ZNF546: variants seen among roughly 807,000 people sequenced by gnomAD.
The protein encoded by ZNF546 is zinc finger protein 546, also known as CTC-471F3.6.
ZNF546 carries 60 observed loss-of-function variants against 76.2 expected under a neutral mutation model. The observed-to-expected ratio is 0.79, with a 90% CI of 0.64 to 0.98. The LOEUF is 0.98. ZNF546 is among the 50% of genes least tolerant of loss of function. The pLI is 0.00. For synonymous variants in ZNF546, 277 were observed against 328.1 expected, an observed-to-expected ratio of 0.84 and a Z score of 1.68; for missense variants, 936 against 1,035.6, an observed-to-expected ratio of 0.90 and a Z score of 1.32.
At position 40,006,005 on chromosome 19, in the gene ZNF546, A is replaced by G. The variant is rs1402552292; in HGVS notation, c.85-91A>G. 9 of 1,103,910 alleles carry G rather than the reference A, an allele frequency of 8.2e-6. No individual in the cohort carries two copies. The Admixed American group carries it at 1.6e-4, about 20-fold the overall frequency. The allele number at this position is 1,103,910 out of a possible 1,614,324, so 68.4% of individuals were successfully genotyped here. ...CGCAGAATGGTGGGGTTGGAAGTAG[A>G]AATGATGGCATAACAGGATCTTATT... On this transcript the variant is annotated intron_variant, in intron 3 of 6. Coordinates refer to ENST00000347077, the MANE Select transcript of ZNF546 (RefSeq NM_178544.5).
At chr19:40,000,655 A>G (rs1425994406) in intron 3 of ZNF546, among the ~76,000 whole-genome samples, 1 of 151,902 alleles carries the variant, frequency 6.6e-6, no homozygotes, top group African/African-American at 2.4e-5. Flanking sequence ...AGAAAACAGA[A>G]TAAGATAGTA....
rs1971798316 is a variant in ZNF546, at chr19:40,017,986, TTTTTTTTTTG to T, written c.*2206_*2215del. On this transcript the variant is annotated 3_prime_UTR_variant, in exon 7 of 7. Transcript: ENST00000347077. ...ATTGACTTTTTTTTTTTTTTTTTTT[TTTTTTTTTTG>T]AGATGGAGTCTCTGTCGCCCAGGCT... 1 of 125,370 alleles carries T rather than the reference TTTTTTTTTTG, an allele frequency of 8.0e-6. No individual in the cohort carries two copies. The highest frequency in any genetic ancestry group is 4.0e-5 in the African/African-American group (1 of 25,062). The allele number at this position is 125,370 out of a possible 1,614,324, so 7.8% of individuals were successfully genotyped here. A position where few individuals can be genotyped will look rare whatever the true frequency, so the allele number is the denominator to read the frequency against.
In ZNF546 at chr19:40,006,114, C is replaced by A. The variant is rs947534833; in HGVS notation, c.103C>A (p.Leu35Met). The change falls in exon 4 of 7, where the codon CTG (leucine) becomes ATG (methionine). Residue 35 changes from leucine to methionine, a missense_variant. Transcript: ENST00000347077. ...LSIMPRFLWI[L>M]CFSMEETQGE... Reference sequence around the variant, plus strand: ...CCCCCAGCCCCGGTTTCTCTGGATTCTGTGCTTCTCCATGGAGGAAACTCA... The same window carrying A: ...CCCCCAGCCCCGGTTTCTCTGGATTATGTGCTTCTCCATGGAGGAAACTCA... The A allele has an allele frequency of 6.2e-7, 1 of 1,613,998 alleles. No individual in the cohort carries two copies. The highest frequency in any genetic ancestry group is 8.5e-7 in the Non-Finnish European group (1 of 1,179,942).
At position 40,016,097 on chromosome 19, in the gene ZNF546, T is replaced by C. The variant is rs543797705; in HGVS notation, c.*316T>C. On this transcript the variant is annotated 3_prime_UTR_variant, in exon 7 of 7. Coordinates refer to ENST00000347077, the MANE Select transcript of ZNF546 (RefSeq NM_178544.5). ...TGGCTCACACCTGTAATCCCAGCAC[T>C]GTGGAAAGACAGGAGTTCGAAACCA... The C allele has an allele frequency of 3.6e-4, 112 of 307,196 alleles. 1 individual carries two copies. The highest frequency in any genetic ancestry group is 2.1e-3 in the South Asian group (57 of 27,058). The allele number at this position is 307,196 out of a possible 1,614,324, so 19.0% of individuals were successfully genotyped here. A position where few individuals can be genotyped will look rare whatever the true frequency, so the allele number is the denominator to read the frequency against.
At position 40,014,961 on chromosome 19, in the gene ZNF546, A is replaced by G. The variant is rs1214255326; in HGVS notation, c.1691A>G (p.His564Arg). 8 of 1,612,842 alleles carry G rather than the reference A, an allele frequency of 5.0e-6. No individual in the cohort carries two copies. Among genetic ancestry groups the G allele is most frequent in the South Asian group, 1.1e-5 (1 of 90,996 alleles). ...AAGGAATGTGGGAAGGCTTTTATTCATAGCAATCAATTTATTTCACACCAG... is the reference window on the plus strand; with the variant it reads ...AAGGAATGTGGGAAGGCTTTTATTCGTAGCAATCAATTTATTTCACACCAG... ...ECKECGKAFI[H>R]SNQFISHQRI... is the part of the protein sequence containing the mutation. The change falls in exon 7 of 7, where the codon CAT (histidine) becomes CGT (arginine). Residue 564 changes from histidine to arginine, a missense_variant. Coordinates refer to ENST00000347077, the MANE Select transcript of ZNF546 (RefSeq NM_178544.5).
At chr19:40,002,029 T>G (rs905778701) in intron 3 of ZNF546, among the ~76,000 whole-genome samples, 1 of 152,212 alleles carries the variant, frequency 6.6e-6, no homozygotes, top group Admixed American at 6.5e-5. Flanking sequence ...CAGACTAAGA[T>G]TCACATTCTG....
Position 40,014,123 on chromosome 19 carries a change from C to T in ZNF546, c.853C>T (p.His285Tyr). 10 of 1,612,066 alleles carry T rather than the reference C, an allele frequency of 6.2e-6. No homozygotes were observed. Among genetic ancestry groups the T allele is most frequent in the Non-Finnish European group, 8.5e-6 (10 of 1,179,230 alleles). ...CKECGKAFRL[H>Y]YHLTEHQRIH... Reference sequence around the variant, plus strand: ...AGAATGTGGGAAGGCCTTTAGACTTCATTATCACCTTACTGAACATCAGAG... The same window carrying T: ...AGAATGTGGGAAGGCCTTTAGACTTTATTATCACCTTACTGAACATCAGAG... The change falls in exon 7 of 7, where the codon CAT (histidine) becomes TAT (tyrosine). Residue 285 changes from histidine (H) to tyrosine (Y), a missense_variant. Coordinates refer to ENST00000347077, the MANE Select transcript of ZNF546 (RefSeq NM_178544.5).
Position 40,008,580 on chromosome 19 carries a change from A to G in ZNF546, c.394+15A>G. The G allele has an allele frequency of 3.7e-6, 6 of 1,601,666 alleles. No homozygotes were observed. Among genetic ancestry groups the G allele is most frequent in the Non-Finnish European group, 5.1e-6 (6 of 1,169,258 alleles). Reference sequence around the variant, plus strand: ...TTGGTTCACAGGTGAGTGACAGCAAATTAGGCGGGAGGGTGCTATCACAAG... The same window carrying G: ...TTGGTTCACAGGTGAGTGACAGCAAGTTAGGCGGGAGGGTGCTATCACAAG... On this transcript the variant is annotated intron_variant, in intron 6 of 6. Transcript: ENST00000347077.
Position 40,014,461 on chromosome 19 carries a change from C to T in ZNF546, c.1191C>T (p.Gly397=), listed in dbSNP as rs750783833. 4.3e-6 allele frequency: 7 copies of T among 1,612,824 alleles called. No homozygotes were observed. Among genetic ancestry groups the T allele is most frequent in the Non-Finnish European group, 5.9e-6 (7 of 1,179,684 alleles). Residue 397 remains glycine, a synonymous_variant, in exon 7 of 7, where the codon GGC becomes GGT. Transcript: ENST00000347077. The stretch of plus-strand genomic sequence containing the variant: ...AATGTGGGAAGGCCTTTAGTCATGG[C>T]TCATACCTTGTTCAACATCAGAAAA... ...CNECGKAFSH[G]SYLVQHQKIH...
chr19:40,018,158 G>T lies in ZNF546; in HGVS notation c.*2377G>T, dbSNP rs1568391342. On this transcript the variant is annotated 3_prime_UTR_variant, in exon 7 of 7. Coordinates refer to ENST00000347077, the MANE Select transcript of ZNF546 (RefSeq NM_178544.5). ...GCTAATTTTTTGTATTTTTAGTAGA[G>T]ACGGGGTTTCACCATGTTAGCCAGG... 6.6e-6 allele frequency: 1 copy of T among 151,924 alleles called. No individual in the cohort carries two copies. Among genetic ancestry groups the T allele is most frequent in the Non-Finnish European group, 1.5e-5 (1 of 68,114 alleles). The allele number at this position is 151,924 out of a possible 1,614,324, so 9.4% of individuals were successfully genotyped here.
intron 5 of ZNF546, 44 bp downstream of exon 5, chr19:40,007,444 A>G: frequency 6.6e-7 from 1 of 1,511,280 alleles, no homozygotes. Context: ...TTTCTGGAGT[A>G]TCAGCTTTCT....
chr19:40,002,282 AGTT>A (rs1971539958), intron 3 of ZNF546, among the ~76,000 whole-genome samples: 1 of 152,218 alleles, frequency 6.6e-6, no homozygotes, highest in Non-Finnish European at 1.5e-5. Context: ...GATTATTATA[AGTT>A]GTTATATGAT....
At chr19:40,003,551 A>G (rs182276264) in intron 3 of ZNF546, among the ~76,000 whole-genome samples, 2 of 152,328 alleles carry the variant, frequency 1.3e-5, no homozygotes, top group East Asian at 3.9e-4. Context: ...TCAGAGCACA[A>G]ACTGTCAATA....
rs1368131741 is a variant in ZNF546 at position 40,017,611 on chromosome 19, A to C, written c.*1830A>C. 2 of 152,314 alleles carry C rather than the reference A, an allele frequency of 1.3e-5. No homozygotes were observed. Among genetic ancestry groups the C allele is most frequent in the Non-Finnish European group, 2.9e-5 (2 of 68,022 alleles). The allele number at this position is 152,314 out of a possible 1,614,324, so 9.4% of individuals were successfully genotyped here. A position where few individuals can be genotyped will look rare whatever the true frequency, so the allele number is the denominator to read the frequency against. ...TGAATGCAGTCCAACAGAAATTTGT[A>C]AGCTGTCTTAAAACATGAGATTTTT... On this transcript the variant is annotated 3_prime_UTR_variant, in exon 7 of 7. Transcript: ENST00000347077.
intron 3 of ZNF546, among the ~76,000 whole-genome samples, chr19:39,998,898 A>G (rs1014579383): frequency 5.3e-5 from 8 of 151,806 alleles, no homozygotes; most frequent in Admixed American, 2.0e-4. Context: ...TCAGCCTCCC[A>G]GGTAGCTGGG....
rs1971815255 is a variant in ZNF546, at chr19:40,018,812, G to A, written c.*3031G>A. The A allele has an allele frequency of 6.6e-6, 1 of 152,258 alleles. No homozygotes were observed. The allele number at this position is 152,258 out of a possible 1,614,324, so 9.4% of individuals were successfully genotyped here. ...TCCAGCACCAAGTGTATGAGGGTAT[G>A]AGCCTTCAGATGATTCTAACCCTTA... On this transcript the variant is annotated 3_prime_UTR_variant, in exon 7 of 7. Coordinates refer to ENST00000347077, the MANE Select transcript of ZNF546 (RefSeq NM_178544.5).
chr19:40,014,381 C>G lies in ZNF546; in HGVS notation c.1111C>G (p.His371Asp). Residue 371 changes from histidine (H) to aspartate (D), a missense_variant, in exon 7 of 7, where the codon CAT becomes GAT. Coordinates refer to ENST00000347077, the MANE Select transcript of ZNF546 (RefSeq NM_178544.5). Reference sequence around the variant, plus strand: ...TGGCAAGACCTTTAGGGTACAACGACATATTAGTCAACATCAGAAAATTCA... The same window carrying G: ...TGGCAAGACCTTTAGGGTACAACGAGATATTAGTCAACATCAGAAAATTCA... ...VCGKTFRVQR[H>D]ISQHQKIHTG... 1 of 1,613,532 alleles carries G rather than the reference C, an allele frequency of 6.2e-7. No homozygotes were observed. Among genetic ancestry groups the G allele is most frequent in the South Asian group, 1.1e-5 (1 of 91,046 alleles).
Position 40,014,328 on chromosome 19 carries a change from G to A in ZNF546, c.1058G>A (p.Gly353Asp). The stretch of plus-strand genomic sequence containing the variant: ...ACTGAACATCAAAGAATTCATACTG[G>A]TGAGAGGCCTTATGAATGTAAGGTT... ...QLTEHQRIHT[G>D]ERPYECKVCG... is the part of the protein sequence containing the mutation. The change falls in exon 7 of 7, where the codon GGT (glycine) becomes GAT (aspartate). Residue 353 changes from glycine (G) to aspartate (D), a missense_variant. Coordinates refer to ENST00000347077, the MANE Select transcript of ZNF546 (RefSeq NM_178544.5). The A allele has an allele frequency of 6.2e-7, 1 of 1,614,082 alleles. No homozygotes were observed. Among genetic ancestry groups the A allele is most frequent in the Non-Finnish European group, 8.5e-7 (1 of 1,180,008 alleles).
intron 6 of ZNF546, 137 bp from the exon 7 acceptor site, chr19:40,013,528 T>C (rs1218966024): frequency 1.2e-6 from 1 of 805,370 alleles, no homozygotes; most frequent in African/African-American, 1.7e-5. Context: ...CTCTAAACCA[T>C]TTATTTCTAA....
Sources: gnomAD v4.1 joint callset for allele counts (sites outside exome capture counted in the v4.1 genomes callset) on GRCh38, gnomAD v4.1.1 for gene constraint, MANE v1.5 for transcripts, NCBI Gene and HGNC (gene_info 2026-07-23, HGNC 2026-07-21) for gene names.